The following AKAP9 variants were observed in gnomAD, a reference collection of about 807,000 sequenced individuals.
The protein encoded by AKAP9 is A-kinase anchoring protein 9, also known as A-kinase anchor protein 9.
Under a neutral mutation model 488.5 loss-of-function variants are expected in AKAP9, and 311 were observed. That is an observed-to-expected ratio of 0.64 (90% CI 0.58 to 0.70). The LOEUF (loss-of-function observed/expected upper bound fraction) is 0.70, where lower values mean the gene tolerates loss of function less well. Ranked by LOEUF, AKAP9 falls within the 30% of genes least tolerant of loss-of-function variation. AKAP9 has a pLI of 0.00. For synonymous variants in AKAP9, 1,462 were observed against 1,483.5 expected, an observed-to-expected ratio of 0.99 and a Z score of 0.33; for missense variants, 4,215 against 4,374.5, an observed-to-expected ratio of 0.96 and a Z score of 1.03.
In AKAP9 at chr7:92,100,929, G is replaced by C. The variant is rs754071435; in HGVS notation, c.10970G>C (p.Arg3657Thr). 4 of 1,614,046 alleles carry C rather than the reference G, an allele frequency of 2.5e-6. No homozygotes were observed. The highest frequency in any genetic ancestry group is 3.3e-5 in the Admixed American group (2 of 60,002). The change falls in exon 45 of 50, where the codon AGA becomes ACA. Residue 3657 changes from arginine (R) to threonine (T), a missense_variant. Arg to Thr is a moderately conservative substitution (Grantham distance 71). This residue lies in a region of AKAP9 where 74 missense variants were observed against 113.0 expected (regional missense o/e 0.65). Transcript: ENST00000356239. ...IIASEKEVWNREKLTLQKSLK... is the reference protein window; with the variant it reads ...IIASEKEVWNTEKLTLQKSLK... ...GCCTCTGAAAAAGAAGTATGGAACA[G>C]AGAAAAATTGACTCTCCAGAAATCT... is the stretch of plus-strand genomic sequence containing the variant.
chr7:92,069,948 CA>C, intron 26 of AKAP9, 81 bp from the exon 27 acceptor site: 1 of 1,287,874 alleles, frequency 7.8e-7, no homozygotes, highest in Non-Finnish European at 1.1e-6. Context: ...TGTAGATATC[CA>C]AAATGAGGGA....
chr7:91,993,064 A>G lies in AKAP9; in HGVS notation c.576+9A>G. ...CTGAAGGACTGCAGCAGGTATGTTTATTTTCTGTGGCTTTTGATTTGCTAC... is the reference window on the plus strand; with the variant it reads ...CTGAAGGACTGCAGCAGGTATGTTTGTTTTCTGTGGCTTTTGATTTGCTAC... On this transcript the variant is annotated intron_variant, in intron 5 of 49. Transcript: ENST00000356239. The G allele has an allele frequency of 1.2e-6, 2 of 1,613,924 alleles. No individual in the cohort carries two copies. Among genetic ancestry groups the G allele is most frequent in the Non-Finnish European group, 1.7e-6 (2 of 1,179,894 alleles).
At chr7:92,073,171 T>A (rs887209992) in intron 28 of AKAP9, among the ~76,000 whole-genome samples, 2 of 152,012 alleles carry the variant, frequency 1.3e-5, no homozygotes, top group Non-Finnish European at 2.9e-5. Flanking sequence ...AGGAGACATA[T>A]GTACATTTGA....
At chr7:92,032,670 CAT>C (rs1804469893) in intron 16 of AKAP9, among the ~76,000 whole-genome samples, 1 of 151,918 alleles carries the variant, frequency 6.6e-6, no homozygotes, top group South Asian at 2.1e-4. Context: ...TTAGGAAAAA[CAT>C]AAATTCGATG....
chr7:92,032,250 G>A (rs573765741), intron 16 of AKAP9, among the ~76,000 whole-genome samples: 6 of 152,126 alleles, frequency 3.9e-5, no homozygotes, highest in East Asian at 1.9e-4. Flanking sequence ...TAATCCCACC[G>A]CTTTGGGAGG....
chr7:92,081,273 GAATT>G (rs925805336), intron 31 of AKAP9, among the ~76,000 whole-genome samples: 2 of 150,862 alleles, frequency 1.3e-5, no homozygotes, highest in South Asian at 2.1e-4. Flanking sequence ...AGCATCTACT[GAATT>G]AATTAATGTG....
chr7:91,951,387 T>C (rs982326868), intron 1 of AKAP9, among the ~76,000 whole-genome samples: 2 of 152,092 alleles, frequency 1.3e-5, no homozygotes, highest in South Asian at 2.1e-4. Context: ...TGTGGTGGCA[T>C]GATCACGGCT....
At chr7:92,015,951 A>T (rs10263309) in intron 10 of AKAP9, among the ~76,000 whole-genome samples, 178 bp from the exon 11 acceptor site, 8 of 151,966 alleles carry the variant, frequency 5.3e-5, no homozygotes, top group Non-Finnish European at 1.5e-5. Context: ...ATTTCATGCC[A>T]GAGAGATAGA....
chr7:92,068,847 TTAGA>T (rs1158521333), intron 26 of AKAP9, among the ~76,000 whole-genome samples: 1 of 152,200 alleles, frequency 6.6e-6, no homozygotes, highest in African/African-American at 2.4e-5. Flanking sequence ...CTGTCATTTT[TTAGA>T]TAATTTCCTC....
chr7:92,031,536 G>A lies in AKAP9; in HGVS notation c.4270G>A (p.Glu1424Lys), dbSNP rs780775109. 5.0e-6 allele frequency: 8 copies of A among 1,612,298 alleles called. No individual in the cohort carries two copies. The highest frequency in any genetic ancestry group is 5.1e-6 in the Non-Finnish European group (6 of 1,178,918). ...GTTTTCTGGTGAATTTGGAGTGAAA[G>A]AGGAAACAAATATCGTTAAGTTGCT... ...IEFSGEFGVK[E>K]ETNIVKLLEK... Residue 1424 changes from glutamate to lysine, a missense_variant, in exon 16 of 50, where the codon GAG becomes AAG. Around this residue, in one of 5 missense-constraint regions of AKAP9, gnomAD observed 2,361 missense variants for 2,430.0 expected, o/e 0.97. Coordinates refer to ENST00000356239, the MANE Select transcript of AKAP9 (RefSeq NM_005751.5).
intron 8 of AKAP9, among the ~76,000 whole-genome samples, chr7:92,010,397 C>A (rs895918081): frequency 1.3e-5 from 2 of 152,240 alleles, no homozygotes; most frequent in Admixed American, 1.3e-4. Context: ...TGACTCAAAG[C>A]CTTTGTCATT....
intron 42 of AKAP9, 112 bp downstream of exon 42, chr7:92,097,906 G>C: frequency 9.3e-7 from 1 of 1,074,376 alleles, no homozygotes; most frequent in Non-Finnish European, 1.4e-6. Context: ...AAGGTAATGC[G>C]TGTTTACATT....
At chr7:92,098,024 G>T in intron 42 of AKAP9, 85 bp from the exon 43 acceptor site, 2 of 936,510 alleles carry the variant, frequency 2.1e-6, no homozygotes. Context: ...AGGTGAAGTA[G>T]AACGTCGCCT....
intron 1 of AKAP9, among the ~76,000 whole-genome samples, chr7:91,953,343 A>G (rs1235366260): frequency 5.9e-5 from 9 of 152,196 alleles, no homozygotes; most frequent in Admixed American, 5.9e-4. Flanking sequence ...TTATACATCT[A>G]AATGGAATTT....
chr7:91,992,588 C>T (rs1010802107), intron 4 of AKAP9, among the ~76,000 whole-genome samples: 22 of 143,226 alleles, frequency 1.5e-4, no homozygotes, highest in African/African-American at 2.9e-4. Flanking sequence ...TGCTTGAACC[C>T]GGGAGGCGGA....
chr7:92,086,128 C>T lies in AKAP9; in HGVS notation c.9025-100C>T, dbSNP rs368147764. 632 of 1,010,670 alleles carry T rather than the reference C, an allele frequency of 6.3e-4. 10 individuals carry two copies. In the South Asian group the frequency reaches 8.5e-3, roughly 14 times the overall value. The allele number at this position is 1,010,670 out of a possible 1,614,324, so 62.6% of individuals were successfully genotyped here. ...AATAAATAAAAGAAGTACACATGCTCCTAGGCTTTTAATTATTTTTCTTTG... is the reference window on the plus strand; with the variant it reads ...AATAAATAAAAGAAGTACACATGCTTCTAGGCTTTTAATTATTTTTCTTTG... On this transcript the variant is annotated intron_variant, in intron 36 of 49. Transcript: ENST00000356239.
At chr7:92,062,872 A>G (rs1341796484) in intron 24 of AKAP9, among the ~76,000 whole-genome samples, 1 of 152,168 alleles carries the variant, frequency 6.6e-6, no homozygotes, top group Non-Finnish European at 1.5e-5. Flanking sequence ...GGCACTAGTA[A>G]TGAGCAGGTG....
At chr7:91,961,323 C>T (rs560183976) in intron 1 of AKAP9, among the ~76,000 whole-genome samples, 7 of 151,446 alleles carry the variant, frequency 4.6e-5, no homozygotes, top group Non-Finnish European at 7.4e-5. Context: ...GGATTACAGG[C>T]GCCTACCAGC....
chr7:91,949,110 G>T (rs1326442732), intron 1 of AKAP9, among the ~76,000 whole-genome samples: 5 of 151,334 alleles, frequency 3.3e-5, no homozygotes, highest in Non-Finnish European at 5.9e-5. Context: ...TTTTTAATTG[G>T]GTTGTTACCA....
Sources: gnomAD v4.1 joint callset for allele counts (sites outside exome capture counted in the v4.1 genomes callset) on GRCh38, gnomAD v4.1.1 for gene constraint, gnomAD v4.1.1 regional missense constraint, MANE v1.5 for transcripts, NCBI Gene and HGNC (gene_info 2026-07-23, HGNC 2026-07-21) for gene names.